STXBP6: variants seen among roughly 807,000 people sequenced by gnomAD.
STXBP6 encodes syntaxin binding protein 6.
STXBP6 carries 21 observed loss-of-function variants against 26.9 expected under a neutral mutation model. The observed-to-expected ratio is 0.78, with a 90% CI of 0.55 to 1.12. STXBP6 has a LOEUF of 1.12. Ranked by LOEUF, STXBP6 falls within the 50% of genes most tolerant of loss-of-function variation. The pLI, the probability that STXBP6 is intolerant of heterozygous loss-of-function variation, is 0.00. For synonymous variants in STXBP6, 97 were observed against 92.6 expected (o/e 1.05, Z -0.27); for missense variants, 232 against 257.9 (o/e 0.90, Z 0.69).
intron 1 of STXBP6, among the ~76,000 whole-genome samples, chr14:25,032,691 G>T (rs191303934): frequency 6.6e-6 from 1 of 152,262 alleles, no homozygotes; most frequent in Admixed American, 6.5e-5. Flanking sequence ...AGAGTCCCTC[G>T]ATCAATGTAA....
intron 1 of STXBP6, among the ~76,000 whole-genome samples, chr14:24,977,110 C>T (rs995599060): frequency 1.3e-5 from 2 of 150,412 alleles, no homozygotes; most frequent in Admixed American, 6.6e-5. Flanking sequence ...GTGATGCACC[C>T]GCCTCGGCCT....
chr14:24,886,331 G>A (rs536599732), intron 2 of STXBP6, among the ~76,000 whole-genome samples: 2 of 152,256 alleles, frequency 1.3e-5, no homozygotes, highest in Middle Eastern at 3.4e-3. Flanking sequence ...TTATCTGTAC[G>A]ATTTTGGTTG....
intron 2 of STXBP6, among the ~76,000 whole-genome samples, chr14:24,902,084 T>C (rs2071233809): frequency 1.3e-5 from 2 of 152,202 alleles, no homozygotes; most frequent in Admixed American, 1.3e-4. Context: ...TTGATATCTG[T>C]ATATCTGAAA....
chr14:24,988,054 G>A (rs749850594), intron 1 of STXBP6: 5 of 173,656 alleles, frequency 2.9e-5, no homozygotes, highest in Non-Finnish European at 4.6e-5. Flanking sequence ...GGTCTTGTGT[G>A]TTCAGCAATT....
At chr14:25,034,694 TAA>T (rs1199885189) in intron 1 of STXBP6, among the ~76,000 whole-genome samples, 1 of 152,020 alleles carries the variant, frequency 6.6e-6, no homozygotes, top group East Asian at 1.9e-4. Context: ...GGCACCTAAT[TAA>T]AAGAGTTGAA....
intron 4 of STXBP6, among the ~76,000 whole-genome samples, chr14:24,829,334 C>G (rs1379419111): frequency 6.6e-6 from 1 of 152,068 alleles, no homozygotes; most frequent in Non-Finnish European, 1.5e-5. Flanking sequence ...ACTGTGATTG[C>G]AGTTTAAATT....
chr14:24,920,944 A>C (rs1229343068), intron 2 of STXBP6, among the ~76,000 whole-genome samples: 1 of 152,114 alleles, frequency 6.6e-6, no homozygotes, highest in African/African-American at 2.4e-5. Flanking sequence ...GCAACCCAAG[A>C]TCTAGAAATC....
chr14:24,909,290 C>T (rs11850146), intron 2 of STXBP6, among the ~76,000 whole-genome samples: 20,235 of 152,240 alleles, frequency 0.13, 1,617 homozygotes, highest in African/African-American at 0.23. Context: ...CCCAGCAGCA[C>T]GTCATGCGTG....
chr14:24,827,020 G>T (rs1237127184), intron 4 of STXBP6, among the ~76,000 whole-genome samples: 1 of 152,088 alleles, frequency 6.6e-6, no homozygotes, highest in East Asian at 1.9e-4. Context: ...GGGCAGCATG[G>T]AGAAACCCCA....
chr14:24,824,740 G>T (rs1383063783), intron 4 of STXBP6, among the ~76,000 whole-genome samples: 2 of 152,206 alleles, frequency 1.3e-5, no homozygotes, highest in Admixed American at 6.5e-5. Flanking sequence ...CGGAAGAGTT[G>T]TTAACCCAAG....
intron 1 of STXBP6, among the ~76,000 whole-genome samples, chr14:25,038,987 C>G (rs2075598945): frequency 6.6e-6 from 1 of 152,030 alleles, no homozygotes; most frequent in Non-Finnish European, 1.5e-5. Flanking sequence ...TTCTATACTT[C>G]AAAATTGCTA....
intron 1 of STXBP6, among the ~76,000 whole-genome samples, chr14:24,999,435 A>T (rs2074693242): frequency 6.6e-6 from 1 of 152,218 alleles, no homozygotes; most frequent in Admixed American, 6.5e-5. Flanking sequence ...TCAAACCAAC[A>T]ACATGTATTG....
intron 2 of STXBP6, among the ~76,000 whole-genome samples, chr14:24,932,343 T>G (rs2072447564): frequency 6.6e-6 from 1 of 152,124 alleles, no homozygotes; most frequent in Admixed American, 6.5e-5. Flanking sequence ...GGATTTAAAG[T>G]TTTTAAATCT....
chr14:24,828,093 T>C (rs1050955902), intron 4 of STXBP6, among the ~76,000 whole-genome samples: 1 of 152,014 alleles, frequency 6.6e-6, no homozygotes, highest in African/African-American at 2.4e-5. Flanking sequence ...TTTAGGTGTC[T>C]AGCAATATTT....
chr14:24,831,218 T>G (rs1040721494), intron 4 of STXBP6, among the ~76,000 whole-genome samples: 3 of 152,226 alleles, frequency 2.0e-5, no homozygotes, highest in African/African-American at 7.2e-5. Context: ...CATCAAAATT[T>G]AAAAAGAAGT....
chr14:24,926,953 G>T (rs1323606443), intron 2 of STXBP6, among the ~76,000 whole-genome samples: 1 of 151,014 alleles, frequency 6.6e-6, no homozygotes, highest in Non-Finnish European at 1.5e-5. Flanking sequence ...AAAAAATAAA[G>T]TTAATAATTA....
At chr14:25,036,630 C>T (rs1422855814) in intron 1 of STXBP6, among the ~76,000 whole-genome samples, 1 of 151,930 alleles carries the variant, frequency 6.6e-6, no homozygotes, top group Non-Finnish European at 1.5e-5. Flanking sequence ...TGAGGCGGGC[C>T]GATCGTGAAG....
intron 1 of STXBP6, among the ~76,000 whole-genome samples, chr14:25,012,844 G>T (rs188455216): frequency 6.6e-6 from 1 of 152,144 alleles, no homozygotes; most frequent in Admixed American, 6.5e-5. Flanking sequence ...GAAACTCAAA[G>T]ACTATTAAGG....
intron 4 of STXBP6, among the ~76,000 whole-genome samples, chr14:24,820,187 T>C (rs1594903370): frequency 6.6e-6 from 1 of 152,262 alleles, no homozygotes; most frequent in South Asian, 2.1e-4. Context: ...TGACTTTATG[T>C]CTTTGAATAA....
Sources: gnomAD v4.1 joint callset for allele counts (sites outside exome capture counted in the v4.1 genomes callset) on GRCh38, gnomAD v4.1.1 for gene constraint, MANE v1.5 for transcripts, NCBI Gene and HGNC (gene_info 2026-07-23, HGNC 2026-07-21) for gene names.